The following TTN variants were observed in gnomAD, a reference collection of about 807,000 sequenced individuals.
TTN encodes the protein connectin.
A neutral mutation model predicts 3,223.0 loss-of-function variants in TTN; 1,525 were observed. That is an observed-to-expected ratio of 0.47 (90% confidence interval 0.45 to 0.49). The LOEUF is 0.49. Among genes scored for constraint, TTN ranks in the 20% least tolerant of loss-of-function variants. TTN has a pLI of 0.00. For synonymous variants in TTN, 14,094 were observed against 15,161.0 expected, an observed-to-expected ratio of 0.93 and a Z score of 5.17; for missense variants, 40,786 against 43,424.0, an observed-to-expected ratio of 0.94 and a Z score of 5.40.
chr2:178,706,412 T>A (rs745752974), intron 102 of TTN, 42 bp downstream of exon 102: 1 of 1,550,942 alleles, frequency 6.4e-7, no homozygotes, highest in South Asian at 1.2e-5. Flanking sequence ...CCCACTTATA[T>A]GGAGGGCTGA....
In TTN at chr2:178,711,821, G is replaced by C. The variant is rs1482791530; in HGVS notation, c.27886+123C>G. 5.2e-6 allele frequency: 6 copies of C among 1,153,486 alleles called. No individual in the cohort carries two copies. The East Asian group carries it at 1.5e-4, about 28-fold the overall frequency. The allele number at this position is 1,153,486 out of a possible 1,614,324, so 71.5% of individuals were successfully genotyped here. A position where few individuals can be genotyped will look rare whatever the true frequency, so the allele number is the denominator to read the frequency against. ...AAAGATAAGCCACTAACTGTAAATA[G>C]GATTACTTAAGCAGAATTTTAAGCC... On this transcript the variant is annotated intron_variant, in intron 96 of 362. Transcript: ENST00000589042.
Position 178,535,166 on chromosome 2 carries a change from C to T in TTN, c.101449G>A (p.Glu33817Lys), listed in dbSNP as rs771596824. ...AGATCTTCAGCAATCATATATTTCT[C>T]ATAGAGTTCCTTGGTTGAAGAGTGA... ...ASHSSTKELY[E>K]KYMIAEDLGR... is the part of the protein sequence containing the mutation. Residue 33817 changes from glutamate (E) to lysine (K), a missense_variant, in exon 358 of 363, where the codon GAG becomes AAG. Coordinates refer to ENST00000589042, the MANE Select transcript of TTN (RefSeq NM_001267550.2). The T allele has an allele frequency of 1.1e-5, 17 of 1,613,894 alleles. No homozygotes were observed. Among genetic ancestry groups the T allele is most frequent in the South Asian group, 7.7e-5 (7 of 91,084 alleles).
rs886039057 is a variant in TTN, at chr2:178,561,539, C to G, written c.84593G>C (p.Ser28198Thr). 6.2e-6 allele frequency: 10 copies of G among 1,613,174 alleles called. No homozygotes were observed. The highest frequency in any genetic ancestry group is 8.5e-6 in the Non-Finnish European group (10 of 1,179,474). ...GYHLEYKERS[S>T]ILWSKANKIL... ...TTTATTTGCTTTTGACCAAAGAATG[C>G]TGCTTCTTTCTTTATACTCAAGATG... The change falls in exon 326 of 363, where the codon AGC (serine) becomes ACC (threonine). Residue 28198 changes from serine (S) to threonine (T), a missense_variant. By Grantham distance (58) the Ser-to-Thr change is moderately conservative (BLOSUM62 1). Coordinates refer to ENST00000589042, the MANE Select transcript of TTN (RefSeq NM_001267550.2).
In TTN at chr2:178,768,126, T is replaced by G; in HGVS notation, c.9193A>C (p.Lys3065Gln). The part of the protein sequence containing the change: ...ARHIEFRKHI[K>Q]DIKVLEKKRA... ...TTCTTCTCCAGTACCTTAATGTCCT[T>G]AATGTGTTTCCTAAATTCTATATGA... The change falls in exon 39 of 363, where the codon AAG (lysine) becomes CAG (glutamine). Residue 3065 changes from lysine (K) to glutamine (Q), a missense_variant. By Grantham distance (53) the Lys-to-Gln change is moderately conservative (BLOSUM62 1). Coordinates refer to ENST00000589042, the MANE Select transcript of TTN (RefSeq NM_001267550.2). The G allele has an allele frequency of 1.2e-6, 2 of 1,614,116 alleles. No homozygotes were observed. The highest frequency in any genetic ancestry group is 1.7e-6 in the Non-Finnish European group (2 of 1,180,002).
chr2:178,777,165 T>C lies in TTN; in HGVS notation c.4798A>G (p.Lys1600Glu). The C allele has an allele frequency of 6.2e-7, 1 of 1,614,138 alleles. No individual in the cohort carries two copies. The highest frequency in any genetic ancestry group is 1.7e-5 in the Admixed American group (1 of 60,028). ...CATACTTACCTGATTTTGGGATATT[T>C]ATGAGGCACAATGATGTCACTGTTT... ...LKNSDIIVPH[K>E]YPKIRIEGTK... The change falls in exon 27 of 363, where the codon AAA (lysine) becomes GAA (glutamate). Residue 1600 changes from lysine to glutamate, a missense_variant. Lys to Glu is a moderately conservative substitution (Grantham distance 56, BLOSUM62 1). Coordinates refer to ENST00000589042, the MANE Select transcript of TTN (RefSeq NM_001267550.2).
At chr2:178,709,112 T>C (rs767835643) in intron 99 of TTN, among the ~76,000 whole-genome samples, 1 of 152,198 alleles carries the variant, frequency 6.6e-6, no homozygotes, top group Non-Finnish European at 1.5e-5. Context: ...TTGGGCAATA[T>C]ACATTAAACA....
In TTN at chr2:178,571,189, A is replaced by G. The variant is rs1575744134; in HGVS notation, c.74943T>C (p.Phe24981=). ...CCACGATGTTCTCTGCAGAGACTCT[A>G]AATTCATATTCAACACCTTCTTCAA... The part of the protein sequence containing the change: ...TGLEEGVEYE[F]RVSAENIVGI... The change falls in exon 326 of 363, where the codon TTT becomes TTC. Residue 24981 remains phenylalanine (F), a synonymous_variant. Transcript: ENST00000589042. 3 of 1,613,396 alleles carry G rather than the reference A, an allele frequency of 1.9e-6. No homozygotes were observed. The highest frequency in any genetic ancestry group is 2.7e-5 in the African/African-American group (2 of 74,890).
rs377049333 is a variant in TTN at position 178,559,583 on chromosome 2, G to T, written c.86549C>A (p.Thr28850Asn). ...VKVLDTPGPP[T>N]NITVQDVTKE... ...GGTTACATCTTGCACAGTAATGTTG[G>T]TTGGAGGACCTGGGGTATCTAAAAC... The change falls in exon 326 of 363, where the codon ACC becomes AAC. Residue 28850 changes from threonine (T) to asparagine (N), a missense_variant. Coordinates refer to ENST00000589042, the MANE Select transcript of TTN (RefSeq NM_001267550.2). 2 of 1,613,844 alleles carry T rather than the reference G, an allele frequency of 1.2e-6. No homozygotes were observed. Among genetic ancestry groups the T allele is most frequent in the Non-Finnish European group, 1.7e-6 (2 of 1,179,772 alleles).
At chr2:178,541,163 G>A (rs1658488831) in intron 350 of TTN, 119 bp downstream of exon 350, 1 of 965,356 alleles carries the variant, frequency 1.0e-6, no homozygotes, top group Non-Finnish European at 1.4e-6. Context: ...TTTGATTGTG[G>A]TGGTGATTAC....
At chr2:178,803,829 T>A (rs1312539739) in intron 2 of TTN, among the ~76,000 whole-genome samples, 3 of 152,032 alleles carry the variant, frequency 2.0e-5, no homozygotes, top group Admixed American at 1.3e-4. Context: ...TTTCATAAGA[T>A]GATACCATGC....
intron 33 of TTN, chr2:178,772,890 A>G: frequency 1.7e-6 from 1 of 593,378 alleles, no homozygotes; most frequent in African/African-American, 1.9e-5. Flanking sequence ...GGAGAGATTA[A>G]GGAAGGTTTA....
rs989951166 is a variant in TTN, at chr2:178,795,140, G to A, written c.1027C>T (p.Pro343Ser). ...ACGTAGCCCTCTTGCTTCCAAGGGG[G>A]AGGCACTTCAGGACCTGTGGCCACG... is the stretch of plus-strand genomic sequence containing the variant. ...STVATGPEVP[P>S]PWKQEGYVAS... Residue 343 changes from proline to serine, a missense_variant, in exon 7 of 363, where the codon CCC becomes TCC. By Grantham distance (74) the Pro-to-Ser change is moderately conservative. Transcript: ENST00000589042. 9.3e-6 allele frequency: 15 copies of A among 1,614,154 alleles called. No homozygotes were observed. Among genetic ancestry groups the A allele is most frequent in the Non-Finnish European group, 1.2e-5 (14 of 1,180,020 alleles).
At position 178,712,713 on chromosome 2, in the gene TTN, T is replaced by C. The variant is rs192433938; in HGVS notation, c.27312A>G (p.Thr9104=). 16 of 1,613,570 alleles carry C rather than the reference T, an allele frequency of 9.9e-6. No homozygotes were observed. The highest frequency in any genetic ancestry group is 2.2e-5 in the East Asian group (1 of 44,858). Reference sequence around the variant, plus strand: ...CTGACAAACCTTTTATGTAGAGATGTGTTGTACAAGAAGCCTTGCCAGCTT... The same window carrying C: ...CTGACAAACCTTTTATGTAGAGATGCGTTGTACAAGAAGCCTTGCCAGCTT... ...SNEAGKASCT[T]HLYIKAPAKF... is the part of the protein sequence containing the mutation. Residue 9104 remains threonine (T), a synonymous_variant, in exon 94 of 363, where the codon ACA becomes ACG. Transcript: ENST00000589042.
Position 178,573,469 on chromosome 2 carries a change from T to G in TTN, c.72663A>C (p.Gly24221=), listed in dbSNP as rs1300530218. The change falls in exon 326 of 363, where the codon GGA becomes GGC. Residue 24221 remains glycine (G), a synonymous_variant. Coordinates refer to ENST00000589042, the MANE Select transcript of TTN (RefSeq NM_001267550.2). The stretch of plus-strand genomic sequence containing the variant: ...CAGGGTTTTTGGGCGGATCAGGGGG[T>G]CCATAAGGATTCACTGCAAGCACAG... ...SEPVLAVNPY[G]PPDPPKNPEV... is the part of the protein sequence containing the mutation. 2.0e-6 allele frequency: 3 copies of G among 1,509,856 alleles called. No homozygotes were observed. Among genetic ancestry groups the G allele is most frequent in the African/African-American group, 1.4e-5 (1 of 71,366 alleles). The allele number at this position is 1,509,856 out of a possible 1,614,324, so 93.5% of individuals were successfully genotyped here.
chr2:178,799,774 TGGG>T (rs2093961220), intron 5 of TTN, 43 bp from the exon 6 acceptor site: 1 of 1,614,046 alleles, frequency 6.2e-7, no homozygotes, highest in African/African-American at 1.3e-5. Context: ...GAGGAATAGC[TGGG>T]GACGCAACAG....
At position 178,719,763 on chromosome 2, in the gene TTN, C is replaced by T. The variant is rs763596594; in HGVS notation, c.23729G>A (p.Cys7910Tyr). 6.2e-7 allele frequency: 1 copy of T among 1,613,616 alleles called. No homozygotes were observed. The highest frequency in any genetic ancestry group is 1.7e-5 in the Admixed American group (1 of 59,994). Residue 7910 changes from cysteine (C) to tyrosine (Y), a missense_variant, in exon 82 of 363, where the codon TGT (cysteine) becomes TAT (tyrosine). By Grantham distance (194) the Cys-to-Tyr change is radical. Transcript: ENST00000589042. ...GAGTTCTGGTGTTCCAGTCACTACA[C>T]ACTCTAATGCAAAAGGATTTCCAGT... ...VTTGNPFALE[C>Y]VVTGTPELSA... is the part of the protein sequence containing the mutation.
chr2:178,704,903 T>TA lies in TTN; in HGVS notation c.29667dup (p.Ile9890TyrfsTer18). Reference sequence around the variant, plus strand: ...TCTGTCTGTGACAGTCTTTGCTGAATAAATGATACAAGTTCCTCAAATTCC... The same window carrying TA: ...TCTGTCTGTGACAGTCTTTGCTGAATAAAATGATACAAGTTCCTCAAATTCC... On this transcript the variant is annotated frameshift_variant, in exon 104 of 363. Transcript: ENST00000589042. LOFTEE classifies it high-confidence loss of function. The TA allele has an allele frequency of 1.2e-6, 2 of 1,613,570 alleles. No individual in the cohort carries two copies. Among genetic ancestry groups the TA allele is most frequent in the Non-Finnish European group, 1.7e-6 (2 of 1,179,792 alleles).
At position 178,583,819 on chromosome 2, in the gene TTN, T is replaced by A; in HGVS notation, c.65363A>T (p.Lys21788Ile). 2 of 1,610,062 alleles carry A rather than the reference T, an allele frequency of 1.2e-6. No individual in the cohort carries two copies. The change falls in exon 312 of 363, where the codon AAA becomes ATA. Residue 21788 changes from lysine (K) to isoleucine (I), a missense_variant. Physicochemically the swap from Lys to Ile is moderately radical, Grantham distance 102. Transcript: ENST00000589042. Reference sequence around the variant, plus strand: ...AGCTTCTACGAAATAGCCAATAATTTTACTGCCTCCATCATGCTTTGGACG... The same window carrying A: ...AGCTTCTACGAAATAGCCAATAATTATACTGCCTCCATCATGCTTTGGACG... Reference protein sequence around the residue: ...WARPKHDGGSKIIGYFVEACK... With the variant: ...WARPKHDGGSIIIGYFVEACK...
intron 292 of TTN, 150 bp from the exon 293 acceptor site, chr2:178,598,208 G>A: frequency 2.1e-6 from 2 of 938,064 alleles, no homozygotes. Context: ...AGATATTACA[G>A]GCAACACTGA....
Sources: allele counts gnomAD v4.1 joint callset (sites outside exome capture counted in the v4.1 genomes callset), GRCh38; gene constraint gnomAD v4.1.1; transcripts MANE v1.5; gene names NCBI Gene and HGNC (gene_info 2026-07-23, HGNC 2026-07-21).